The following DMD variants were observed in gnomAD, a reference collection of about 807,000 sequenced individuals.
DMD encodes the protein dystrophin, also known as mutant dystrophin.
DMD carries 63 observed loss-of-function variants against 330.1 expected under a neutral mutation model. The observed-to-expected ratio is 0.19, with a 90% CI of 0.16 to 0.24. The LOEUF (loss-of-function observed/expected upper bound fraction) is 0.24. Ranked by LOEUF, DMD falls within the 10% of genes least tolerant of loss-of-function variation. The probability of loss-of-function intolerance (pLI) is 1.00; values close to 1 mark genes in which losing one functional copy is unlikely to be tolerated. For synonymous variants in DMD, 1,223 were observed against 959.8 expected (o/e 1.27, Z -5.07); for missense variants, 3,344 against 2,684.1 (o/e 1.25, Z -5.43).
intron 21 of DMD, among the ~76,000 whole-genome samples, chrX:32,482,710 C>T (rs1569564676): frequency 9.0e-6 from 1 of 111,544 alleles, no homozygotes; most frequent in Non-Finnish European, 1.9e-5. Context: ...ATAACAAATA[C>T]TCAATGTGTT....
At chrX:33,030,502 G>T (rs1055550339) in intron 1 of DMD, among the ~76,000 whole-genome samples, 1 of 111,988 alleles carries the variant, frequency 8.9e-6, no homozygotes, top group South Asian at 3.7e-4. Flanking sequence ...GAGTATGTGG[G>T]TGTAGACTTG....
chrX:31,571,476 G>A (rs1047021434), intron 55 of DMD, among the ~76,000 whole-genome samples: 8 of 109,551 alleles, frequency 7.3e-5, no homozygotes, highest in Admixed American at 2.0e-4. Context: ...ATCTGTCTCC[G>A]CTACTAGATT....
intron 9 of DMD, among the ~76,000 whole-genome samples, chrX:32,683,078 G>C (rs191124528): frequency 8.9e-6 from 1 of 111,809 alleles, no homozygotes; most frequent in East Asian, 2.8e-4. Flanking sequence ...TAAACATTAA[G>C]TGACTAGTAA....
intron 52 of DMD, among the ~76,000 whole-genome samples, chrX:31,715,602 C>A: frequency 9.2e-6 from 1 of 108,619 alleles, no homozygotes; most frequent in Non-Finnish European, 1.9e-5. Context: ...CCATTTTGCT[C>A]AAATCAGCAG....
At chrX:31,458,255 A>G (rs1226478657) in intron 59 of DMD, among the ~76,000 whole-genome samples, 11 of 110,904 alleles carry the variant, frequency 9.9e-5, no homozygotes, top group Non-Finnish European at 2.1e-4. Context: ...GAGGTTGTGA[A>G]AAGTCTAGCT....
At chrX:31,491,744 C>T (rs1450400253) in intron 57 of DMD, among the ~76,000 whole-genome samples, 1 of 111,128 alleles carries the variant, frequency 9.0e-6, no homozygotes, top group East Asian at 2.8e-4. Flanking sequence ...GGAATTTTAC[C>T]TACAGAAGAA....
chrX:32,125,515 AG>A (rs760678441), intron 44 of DMD, among the ~76,000 whole-genome samples: 1 of 111,680 alleles, frequency 9.0e-6, no homozygotes, highest in Non-Finnish European at 1.9e-5. Context: ...TCAATTAGGC[AG>A]GGGGGTATGT....
chrX:32,935,268 G>A (rs1257795939), intron 2 of DMD, among the ~76,000 whole-genome samples: 3 of 112,603 alleles, frequency 2.7e-5, no homozygotes, highest in Non-Finnish European at 3.8e-5. Context: ...GTGAGCCACC[G>A]CGCCCGGCCT....
chrX:31,905,400 T>C (rs944342360), intron 47 of DMD, among the ~76,000 whole-genome samples: 2 of 111,317 alleles, frequency 1.8e-5, no homozygotes, highest in African/African-American at 6.5e-5. Context: ...AAAGCAGGCA[T>C]ATTTTTCACC....
intron 60 of DMD, among the ~76,000 whole-genome samples, chrX:31,380,801 A>C (rs1043476068): frequency 9.1e-6 from 1 of 109,938 alleles, no homozygotes; most frequent in Non-Finnish European, 1.9e-5. Flanking sequence ...GCCTCTCTTC[A>C]CTTTCACTTG....
At chrX:32,738,811 G>C (rs766686403) in intron 7 of DMD, among the ~76,000 whole-genome samples, 8 of 111,497 alleles carry the variant, frequency 7.2e-5, no homozygotes, top group Non-Finnish European at 1.5e-4. Flanking sequence ...ATCATACTAG[G>C]AAGCTGTCCC....
At chrX:32,794,091 CATATT>C (rs1220968001) in intron 7 of DMD, among the ~76,000 whole-genome samples, 1 of 111,697 alleles carries the variant, frequency 9.0e-6, no homozygotes, top group Non-Finnish European at 1.9e-5. Flanking sequence ...ATAAATATGA[CATATT>C]ACATCAAACA....
chrX:32,292,088 C>A (rs138284761), intron 42 of DMD, among the ~76,000 whole-genome samples: 5 of 110,153 alleles, frequency 4.5e-5, no homozygotes, highest in African/African-American at 1.7e-4. Context: ...GTCTCTCTCA[C>A]TTTCTCTCCT....
intron 2 of DMD, among the ~76,000 whole-genome samples, chrX:32,865,798 T>C (rs2082434590): frequency 8.9e-6 from 1 of 112,692 alleles, no homozygotes; most frequent in Non-Finnish European, 1.9e-5. Context: ...CATGCAAAAA[T>C]ATTTGGCAAG....
chrX:32,196,069 T>C (rs1294340839), intron 44 of DMD, among the ~76,000 whole-genome samples: 3 of 112,356 alleles, frequency 2.7e-5, no homozygotes, highest in Admixed American at 9.4e-5. Context: ...TTATATTTGA[T>C]GGTATTCCAT....
intron 50 of DMD, among the ~76,000 whole-genome samples, chrX:31,795,822 A>AAAAGGT (rs2091801010): frequency 8.9e-6 from 1 of 112,304 alleles, no homozygotes; most frequent in African/African-American, 3.2e-5. Context: ...TAAGTAGGAA[A>AAAAGGT]AAAGGTACTT....
intron 17 of DMD, among the ~76,000 whole-genome samples, chrX:32,528,201 C>A (rs112492410): frequency 2.7e-5 from 3 of 110,344 alleles, no homozygotes; most frequent in African/African-American, 9.9e-5. Flanking sequence ...CCCAGCTACT[C>A]GGGAGGCTGA....
At chrX:32,183,656 G>A in intron 44 of DMD, among the ~76,000 whole-genome samples, 1 of 106,047 alleles carries the variant, frequency 9.4e-6, no homozygotes. Flanking sequence ...ACTAATTTAT[G>A]CATATATCAG....
chrX:32,212,889 T>G (rs2097098266), intron 44 of DMD, among the ~76,000 whole-genome samples: 1 of 111,418 alleles, frequency 9.0e-6, no homozygotes, highest in African/African-American at 3.3e-5. Flanking sequence ...TGTCTTTTAC[T>G]TGCGACAGAG....
Sources: allele counts gnomAD v4.1 joint callset (sites outside exome capture counted in the v4.1 genomes callset), GRCh38; gene constraint gnomAD v4.1.1; transcripts MANE v1.5; gene names NCBI Gene and HGNC (gene_info 2026-07-23, HGNC 2026-07-21).